CCNY: variants seen among roughly 807,000 people sequenced by gnomAD.
CCNY encodes the protein cyclin-Y.
A neutral mutation model predicts 42.8 loss-of-function variants in CCNY; 19 were observed. The ratio of observed to expected loss-of-function variants is 0.44; its 90% CI spans 0.31 to 0.65. CCNY has a LOEUF of 0.65. Among genes scored for constraint, CCNY ranks in the 30% least tolerant of loss-of-function variants. The pLI is 0.07. For missense variants in CCNY, 370 were observed against 437.3 expected (o/e 0.85, Z 1.37); for synonymous variants, 165 against 162.7 (o/e 1.01, Z -0.11).
intron 1 of CCNY, among the ~76,000 whole-genome samples, chr10:35,464,686 A>G (rs936932482): frequency 1.3e-5 from 2 of 152,054 alleles, no homozygotes; most frequent in Non-Finnish European, 2.9e-5. Flanking sequence ...ACCTGGGGCA[A>G]AAGCCTCTGA....
chr10:35,311,357 A>G (rs892915361), intron 3 of CCNY, among the ~76,000 whole-genome samples: 3 of 151,816 alleles, frequency 2.0e-5, no homozygotes, highest in Admixed American at 2.0e-4. Context: ...ATATAATTTT[A>G]TATTTCAAAT....
chr10:35,333,738 G>A (rs971430070), upstream of CCNY, among the ~76,000 whole-genome samples: 13 of 152,152 alleles, frequency 8.5e-5, no homozygotes, highest in East Asian at 1.9e-4. Context: ...TTCAACGAAC[G>A]ACATCTCTCA....
chr10:35,490,037 G>T (rs1008509199), intron 2 of CCNY, among the ~76,000 whole-genome samples: 2 of 152,124 alleles, frequency 1.3e-5, no homozygotes, highest in African/African-American at 4.8e-5. Context: ...CGCCGCAGAG[G>T]TCTTCAGCGT....
intron 1 of CCNY, among the ~76,000 whole-genome samples, chr10:35,471,014 G>T (rs1396564539): frequency 6.6e-6 from 1 of 152,172 alleles, no homozygotes; most frequent in Non-Finnish European, 1.5e-5. Context: ...ACAGGAAATA[G>T]AACTAGTGAT....
intron 3 of CCNY, among the ~76,000 whole-genome samples, chr10:35,503,224 A>G (rs1284494125): frequency 6.6e-6 from 1 of 152,204 alleles, no homozygotes; most frequent in Admixed American, 6.5e-5. Context: ...ATTCTCATGC[A>G]CAGTATCTTC....
intron 1 of CCNY, among the ~76,000 whole-genome samples, chr10:35,454,955 C>T (rs1838997273): frequency 1.3e-5 from 2 of 152,152 alleles, no homozygotes; most frequent in Non-Finnish European, 2.9e-5. Flanking sequence ...GCCTGATGAA[C>T]CTGAAAACCT....
chr10:35,497,748 A>AT (rs1207195265), intron 2 of CCNY, among the ~76,000 whole-genome samples: 4 of 151,512 alleles, frequency 2.6e-5, no homozygotes, highest in Admixed American at 1.3e-4. Flanking sequence ...AAAAAAAAAA[A>AT]ATTCTACTTA....
intron 1 of CCNY, among the ~76,000 whole-genome samples, chr10:35,352,695 G>A (rs776065533): frequency 4.6e-5 from 7 of 152,284 alleles, no homozygotes; most frequent in Admixed American, 2.0e-4. Flanking sequence ...TGAGACAGAT[G>A]CAAATAAGGG....
intron 3 of CCNY, among the ~76,000 whole-genome samples, chr10:35,330,440 A>G (rs547992855): frequency 3.3e-5 from 5 of 152,310 alleles, no homozygotes; most frequent in African/African-American, 1.2e-4. Context: ...TGATAGCCCC[A>G]CAGGTCTTGG....
chr10:35,497,055 CTT>C (rs1840016809), intron 2 of CCNY, among the ~76,000 whole-genome samples: 1 of 152,236 alleles, frequency 6.6e-6, no homozygotes, highest in Non-Finnish European at 1.5e-5. Flanking sequence ...TAAAAATCCT[CTT>C]AACTATCATA....
rs1344599869 is a variant in CCNY, at chr10:35,568,955, C to T, written c.910-99C>T. The T allele has an allele frequency of 5.2e-6, 4 of 766,924 alleles. No individual in the cohort carries two copies. The South Asian group carries it at 6.0e-5, about 12-fold the overall frequency. 47.5% of individuals were successfully genotyped at this position (766,924 alleles called of 1,614,324 possible). On this transcript the variant is annotated intron_variant, in intron 9 of 9. Coordinates refer to ENST00000374704, the MANE Select transcript of CCNY (RefSeq NM_145012.6). ...CCGGAGCTCCACAGGGGCAGGGGCT[C>T]TGCCTGTCCCTCATGCAGCGCCCTC...
chr10:35,286,514 G>T (rs1370996902), intron 3 of CCNY, among the ~76,000 whole-genome samples: 1 of 151,668 alleles, frequency 6.6e-6, no homozygotes, highest in African/African-American at 2.4e-5. Flanking sequence ...ACCCTCCACC[G>T]TGCCCAGCTA....
intron 3 of CCNY, among the ~76,000 whole-genome samples, chr10:35,505,037 CT>C (rs113033882): frequency 0.059 from 7,989 of 134,742 alleles, 560 homozygotes; most frequent in African/African-American, 0.18. Flanking sequence ...TTTGACTTTG[CT>C]TTTTTTTTTT....
intron 2 of CCNY, among the ~76,000 whole-genome samples, chr10:35,500,118 C>G (rs1589162149): frequency 1.3e-5 from 2 of 152,334 alleles, no homozygotes; most frequent in East Asian, 3.9e-4. Context: ...CACTCGTGCT[C>G]TGTGTGCGCT....
intron 3 of CCNY, among the ~76,000 whole-genome samples, chr10:35,317,043 C>T (rs1835768451): frequency 6.6e-6 from 1 of 152,206 alleles, no homozygotes; most frequent in Non-Finnish European, 1.5e-5. Context: ...ATGGGGGTTT[C>T]ACCATGTTGG....
At chr10:35,472,207 G>A (rs984138831) in intron 1 of CCNY, among the ~76,000 whole-genome samples, 2 of 152,190 alleles carry the variant, frequency 1.3e-5, no homozygotes, top group Non-Finnish European at 2.9e-5. Flanking sequence ...GAAGCTAGGT[G>A]TTATTAGCCC....
At chr10:35,443,647 C>T (rs1481860874) in intron 1 of CCNY, among the ~76,000 whole-genome samples, 1 of 152,098 alleles carries the variant, frequency 6.6e-6, no homozygotes, top group African/African-American at 2.4e-5. Context: ...TACTCAAAGA[C>T]CTGTGCTAAT....
At chr10:35,283,936 T>C (rs1835325037) in intron 3 of CCNY, among the ~76,000 whole-genome samples, 1 of 151,742 alleles carries the variant, frequency 6.6e-6, no homozygotes, top group Admixed American at 6.6e-5. Context: ...CTACAAAAAT[T>C]AGCCGGGCTT....
In CCNY at chr10:35,530,841, G is replaced by A. The variant is rs1423732174; in HGVS notation, c.579+598G>A. Among the ~76,000 whole-genome samples, 1 of 152,178 alleles carries A rather than the reference G, an allele frequency of 6.6e-6. No individual in the cohort carries two copies. Among genetic ancestry groups the A allele is most frequent in the Non-Finnish European group, 1.5e-5 (1 of 68,022 alleles). ...AATTTCAGCACTTTGGGAGGTCAAG[G>A]TGGGAGGATCACTTGAGCCCAGGAG... On this transcript the variant is annotated intron_variant, in intron 7 of 9. Coordinates refer to ENST00000374704, the MANE Select transcript of CCNY (RefSeq NM_145012.6). The surrounding 1 kb of genome is among the most constrained non-coding windows in gnomAD (Gnocchi z 4.3).
Sources: allele counts gnomAD v4.1 joint callset (sites outside exome capture counted in the v4.1 genomes callset), GRCh38; gene constraint gnomAD v4.1.1; non-coding constraint Gnocchi (gnomAD v3.1); transcripts MANE v1.5; gene names NCBI Gene and HGNC (gene_info 2026-07-23, HGNC 2026-07-21).